Variants in LUC7L2 observed in about 807,000 individuals in gnomAD.
LUC7L2 encodes the protein putative RNA-binding protein Luc7-like 2.
A neutral mutation model predicts 52.8 loss-of-function variants in LUC7L2; 25 were observed. The ratio of observed to expected loss-of-function variants is 0.47; its 90% CI spans 0.34 to 0.66. The LOEUF is 0.66. Among genes scored for constraint, LUC7L2 ranks in the 30% least tolerant of loss-of-function variants. The pLI is 0.01. For synonymous variants in LUC7L2, 144 were observed against 160.9 expected (o/e 0.89, Z 0.80); for missense variants, 328 against 497.8 (o/e 0.66, Z 3.25).
chr7:139,361,581 G>A (rs1453905590), intron 1 of LUC7L2, among the ~76,000 whole-genome samples: 2 of 152,216 alleles, frequency 1.3e-5, no homozygotes, highest in Non-Finnish European at 2.9e-5. Context: ...AGACAAATAG[G>A]TGTAGATGGC....
At chr7:139,416,040 A>ATAT (rs1795586484) in intron 8 of LUC7L2, 1 of 97,744 alleles carries the variant, frequency 1.0e-5, no homozygotes, top group Non-Finnish European at 2.4e-5. Context: ...TGAGGTATAA[A>ATAT]ATATATATAT....
intron 2 of LUC7L2, among the ~76,000 whole-genome samples, chr7:139,382,378 GTCT>G (rs1744523818): frequency 7.6e-6 from 1 of 131,542 alleles, no homozygotes; most frequent in African/African-American, 3.3e-5. Context: ...TATTGTCACA[GTCT>G]TTATTTATTT....
intron 1 of LUC7L2, among the ~76,000 whole-genome samples, chr7:139,360,559 AGAAAG>A (rs1338177063): frequency 6.6e-6 from 1 of 152,164 alleles, no homozygotes; most frequent in African/African-American, 2.4e-5. Context: ...GCCTGGAGGC[AGAAAG>A]GAGAGTTTGT....
At chr7:139,352,409 C>T (rs1479977761) in intron 1 of LUC7L2, among the ~76,000 whole-genome samples, 1 of 152,176 alleles carries the variant, frequency 6.6e-6, no homozygotes, top group African/African-American at 2.4e-5. Context: ...GTAGAAGGAT[C>T]CCTTGAGCCT....
chr7:139,406,459 T>G (rs1795118735), intron 5 of LUC7L2, among the ~76,000 whole-genome samples: 1 of 151,844 alleles, frequency 6.6e-6, no homozygotes, highest in African/African-American at 2.4e-5. Flanking sequence ...TTCAGGCGAT[T>G]CTCTTGCCTC....
intron 2 of LUC7L2, among the ~76,000 whole-genome samples, chr7:139,392,916 A>G (rs1338584821): frequency 6.6e-6 from 1 of 151,838 alleles, no homozygotes; most frequent in Non-Finnish European, 1.5e-5. Context: ...GGCCTCACAA[A>G]GTGCTGGAAT....
chr7:139,385,891 A>G (rs950277366), intron 2 of LUC7L2, among the ~76,000 whole-genome samples: 5 of 152,230 alleles, frequency 3.3e-5, no homozygotes, highest in Non-Finnish European at 7.3e-5. Context: ...TTCTAAGGAA[A>G]CAAGTGTGTT....
chr7:139,362,033 C>A (rs374815529), intron 1 of LUC7L2, among the ~76,000 whole-genome samples: 1 of 149,036 alleles, frequency 6.7e-6, no homozygotes, highest in African/African-American at 2.5e-5. Context: ...ATATATATTT[C>A]TGTGTGTGTA....
chr7:139,416,508 C>T (rs946546175), intron 8 of LUC7L2: 1 of 152,112 alleles, frequency 6.6e-6, no homozygotes, highest in African/African-American at 2.4e-5. Flanking sequence ...TGTTCTTTCT[C>T]CCAAACTGTT....
upstream of LUC7L2, among the ~76,000 whole-genome samples, chr7:139,358,509 C>A (rs989196375): frequency 6.6e-6 from 1 of 151,678 alleles, no homozygotes; most frequent in African/African-American, 2.4e-5. Flanking sequence ...TTTTAAATTT[C>A]TTTTTAGGCG....
intron 7 of LUC7L2, among the ~76,000 whole-genome samples, chr7:139,412,232 CAAAAACA>C (rs1386781384): frequency 1.4e-5 from 2 of 145,212 alleles, no homozygotes; most frequent in Non-Finnish European, 3.0e-5. Context: ...AAAAAAAAAA[CAAAAACA>C]AAAAACAGAA....
chr7:139,423,053 T>C lies in LUC7L2; in HGVS notation c.*713T>C. The C allele has an allele frequency of 2.5e-6, 1 of 398,756 alleles. No individual in the cohort carries two copies. Among genetic ancestry groups the C allele is most frequent in the Non-Finnish European group, 4.4e-6 (1 of 225,976 alleles). The allele number at this position is 398,756 out of a possible 1,614,324, so 24.7% of individuals were successfully genotyped here. A position where few individuals can be genotyped will look rare whatever the true frequency, so the allele number is the denominator to read the frequency against. The stretch of plus-strand genomic sequence containing the variant: ...TTCTAGGGGGTGGGGGCAGGGACTC[T>C]TTTCGTAATAAGCACTTGTTTTATT... On this transcript the variant is annotated 3_prime_UTR_variant, in exon 10 of 10. Transcript: ENST00000354926.
intron 5 of LUC7L2, among the ~76,000 whole-genome samples, 173 bp from the exon 6 acceptor site, chr7:139,407,001 G>GTTTTTTTTTT (rs58914782): frequency 1.8e-5 from 2 of 110,456 alleles, no homozygotes; most frequent in African/African-American, 3.0e-5. Context: ...TGCTTTTGTG[G>GTTTTTTTTTT]TTTTTTTTTT....
At chr7:139,410,099 C>T (rs535025969) in intron 7 of LUC7L2, among the ~76,000 whole-genome samples, 28 of 151,800 alleles carry the variant, frequency 1.8e-4, no homozygotes, top group African/African-American at 5.3e-4. Flanking sequence ...CCCAGCTGCG[C>T]GGGAGGCTGA....
intron 3 of LUC7L2, among the ~76,000 whole-genome samples, chr7:139,399,534 A>G (rs773770122): frequency 7.5e-5 from 10 of 132,782 alleles, no homozygotes; most frequent in African/African-American, 2.5e-4. Context: ...CAGTGGCCCA[A>G]TCTCGGCTCA....
chr7:139,350,212 C>T (rs935122871), intron 1 of LUC7L2, among the ~76,000 whole-genome samples: 1 of 152,022 alleles, frequency 6.6e-6, no homozygotes, highest in Non-Finnish European at 1.5e-5. Context: ...AGCTCCGCCT[C>T]CCGGGTTCAC....
chr7:139,412,262 A>G (rs1003459524), intron 7 of LUC7L2, among the ~76,000 whole-genome samples: 6 of 151,840 alleles, frequency 4.0e-5, no homozygotes, highest in Non-Finnish European at 7.4e-5. Flanking sequence ...AATCCGAAAC[A>G]CTTATGATCC....
chr7:139,395,727 A>T (rs1585112782), intron 2 of LUC7L2, among the ~76,000 whole-genome samples: 1 of 152,178 alleles, frequency 6.6e-6, no homozygotes, highest in African/African-American at 2.4e-5. Context: ...TGCAGCTTTG[A>T]CCTCCAGAGC....
intron 2 of LUC7L2, among the ~76,000 whole-genome samples, chr7:139,379,088 C>G (rs1007773240): frequency 6.6e-6 from 1 of 152,320 alleles, no homozygotes; most frequent in African/African-American, 2.4e-5. Context: ...AACTCTTGAC[C>G]TCTTGATCTG....
Sources: gnomAD v4.1 joint callset for allele counts (sites outside exome capture counted in the v4.1 genomes callset) on GRCh38, gnomAD v4.1.1 for gene constraint, MANE v1.5 for transcripts, NCBI Gene and HGNC (gene_info 2026-07-23, HGNC 2026-07-21) for gene names.